The following DOCK1 variants were observed in gnomAD, a reference collection of about 807,000 sequenced individuals.
DOCK1 encodes dedicator of cytokinesis 1.
A neutral mutation model predicts 262.7 loss-of-function variants in DOCK1; 138 were observed. That is an observed-to-expected ratio of 0.53 (90% CI 0.46 to 0.61). The LOEUF (loss-of-function observed/expected upper bound fraction) is 0.61, where lower values mean the gene tolerates loss of function less well. DOCK1 is among the 20% of genes least tolerant of loss of function. The pLI is 0.00. For missense variants in DOCK1, 1,908 were observed against 2,370.7 expected (o/e 0.80, Z 4.05); for synonymous variants, 866 against 867.4 (o/e 1.00, Z 0.03).
In DOCK1 at chr10:126,999,495, C is replaced by T. The variant is rs1483766957; in HGVS notation, c.849+60C>T. On this transcript the variant is annotated intron_variant, in intron 9 of 51. Transcript: ENST00000623213. ...TACCATTCTAAGGACTACTTTTAGC[C>T]ATTTCTGTCTGCCTTCCTGCGACAC... 4 of 1,451,160 alleles carry T rather than the reference C, an allele frequency of 2.8e-6. No homozygotes were observed. The African/African-American group carries it at 5.6e-5, about 20-fold the overall frequency. 89.9% of individuals were successfully genotyped at this position (1,451,160 alleles called of 1,614,324 possible).
intron 27 of DOCK1, among the ~76,000 whole-genome samples, chr10:127,211,687 T>C (rs1290015801): frequency 1.3e-5 from 2 of 152,216 alleles, no homozygotes; most frequent in Non-Finnish European, 1.5e-5. Context: ...GCATTGTTTT[T>C]CTAAACATAC....
At chr10:127,410,973 G>A (rs10830001) in intron 43 of DOCK1, 49 bp downstream of exon 43, 372,094 of 1,568,974 alleles carry the variant, frequency 0.24, 45,794 homozygotes, top group African/African-American at 0.33. Flanking sequence ...ATATCATTCC[G>A]CCACCAGTAG....
At chr10:126,906,660 C>T (rs2030909286) in intron 1 of DOCK1, among the ~76,000 whole-genome samples, 1 of 152,224 alleles carries the variant, frequency 6.6e-6, no homozygotes, top group Admixed American at 6.5e-5. Context: ...CGCGCCCATT[C>T]TGTGCCTGGC....
intron 27 of DOCK1, among the ~76,000 whole-genome samples, chr10:127,209,722 T>A (rs1204864337): frequency 6.6e-6 from 1 of 152,144 alleles, no homozygotes; most frequent in Non-Finnish European, 1.5e-5. Context: ...CCAGCAGATG[T>A]GGAGTAAAAA....
chr10:127,073,505 A>C (rs891775200), intron 23 of DOCK1, among the ~76,000 whole-genome samples: 1 of 152,244 alleles, frequency 6.6e-6, no homozygotes, highest in Non-Finnish European at 1.5e-5. Flanking sequence ...AGTGTTAAGC[A>C]TGAGTGAGTT....
intron 27 of DOCK1, among the ~76,000 whole-genome samples, chr10:127,208,477 C>G (rs1564904510): frequency 6.6e-6 from 1 of 152,068 alleles, no homozygotes; most frequent in African/African-American, 2.4e-5. Context: ...GGTTTCCAAA[C>G]AATTGAGATG....
At position 127,100,727 on chromosome 10, in the gene DOCK1, C is replaced by T. The variant is rs1213229557; in HGVS notation, c.2446-5504C>T. 1.3e-5 allele frequency among the ~76,000 whole-genome samples: 2 copies of T among 151,952 alleles called. No homozygotes were observed. The highest frequency in any genetic ancestry group is 2.9e-5 in the Non-Finnish European group (2 of 67,970). Reference sequence around the variant, plus strand: ...GGCCACCCTGGGAGTGAGGGCCACGCGTGCCCCAGAGGTGAGGTGGCCAAA... The same window carrying T: ...GGCCACCCTGGGAGTGAGGGCCACGTGTGCCCCAGAGGTGAGGTGGCCAAA... On this transcript the variant is annotated intron_variant, in intron 23 of 51. Transcript: ENST00000623213. This position sits in a 1 kb window ranked among gnomAD's most constrained non-coding sequence, Gnocchi z 5.5.
chr10:127,279,583 G>T (rs2060869149), intron 29 of DOCK1, among the ~76,000 whole-genome samples: 2 of 152,128 alleles, frequency 1.3e-5, no homozygotes, highest in African/African-American at 4.8e-5. Context: ...AAATATTTGG[G>T]GTTAAATATA....
At chr10:127,311,728 G>C (rs777998262) in intron 29 of DOCK1, among the ~76,000 whole-genome samples, 9 of 152,036 alleles carry the variant, frequency 5.9e-5, no homozygotes, top group Non-Finnish European at 1.3e-4. Flanking sequence ...GATCGGATTT[G>C]AACTCCCTAC....
intron 27 of DOCK1, among the ~76,000 whole-genome samples, chr10:127,159,727 T>C (rs2053419386): frequency 6.6e-6 from 1 of 152,110 alleles, no homozygotes; most frequent in Admixed American, 6.5e-5. Context: ...GGGTAGACAT[T>C]TGAAAAGAAA....
chr10:127,264,875 C>T (rs1419486296), intron 29 of DOCK1, among the ~76,000 whole-genome samples: 2 of 152,106 alleles, frequency 1.3e-5, no homozygotes, highest in East Asian at 3.9e-4. Context: ...CGCCATATGG[C>T]GCAGGCTGGT....
chr10:126,967,974 C>A (rs1054346624), intron 1 of DOCK1, among the ~76,000 whole-genome samples: 1 of 151,976 alleles, frequency 6.6e-6, no homozygotes, highest in African/African-American at 2.4e-5. Context: ...CCACCACGCC[C>A]GGCTATTTTT....
At chr10:127,202,817 C>A (rs116700565) in intron 27 of DOCK1, among the ~76,000 whole-genome samples, 5 of 152,296 alleles carry the variant, frequency 3.3e-5, no homozygotes, top group African/African-American at 1.2e-4. Context: ...ATGATCTCTC[C>A]AAGGTCACAC....
At chr10:127,161,378 TC>T (rs1184810452) in intron 27 of DOCK1, among the ~76,000 whole-genome samples, 22 of 152,164 alleles carry the variant, frequency 1.4e-4, no homozygotes, top group Admixed American at 3.3e-4. Context: ...GTTTGTCTGT[TC>T]CCTTTTTCCC....
intron 29 of DOCK1, among the ~76,000 whole-genome samples, chr10:127,308,705 A>G (rs2061961382): frequency 1.3e-5 from 2 of 152,052 alleles, no homozygotes; most frequent in Admixed American, 6.6e-5. Context: ...TTGTTCCTGT[A>G]TGAGTTTGCT....
chr10:127,205,099 A>G (rs780463382), intron 27 of DOCK1, among the ~76,000 whole-genome samples: 1 of 152,068 alleles, frequency 6.6e-6, no homozygotes, highest in Non-Finnish European at 1.5e-5. Flanking sequence ...ATTTATTTTA[A>G]AGGTACTGAT....
intron 1 of DOCK1, among the ~76,000 whole-genome samples, chr10:126,923,078 C>T (rs1320915250): frequency 2.0e-5 from 3 of 151,956 alleles, no homozygotes; most frequent in Non-Finnish European, 4.4e-5. Flanking sequence ...CATTGCACTC[C>T]AGTCTGGGCA....
chr10:127,271,274 G>A (rs1432961686), intron 29 of DOCK1, among the ~76,000 whole-genome samples: 2 of 152,114 alleles, frequency 1.3e-5, no homozygotes, highest in Non-Finnish European at 2.9e-5. Context: ...GAAGCTTCAC[G>A]AAATGCCGTT....
At chr10:127,246,598 A>G (rs112668491) in intron 27 of DOCK1, among the ~76,000 whole-genome samples, 11 of 152,336 alleles carry the variant, frequency 7.2e-5, no homozygotes, top group African/African-American at 2.6e-4. Flanking sequence ...CTCAGCAATT[A>G]TCATCATTCA....
Sources: gnomAD v4.1 joint callset for allele counts (sites outside exome capture counted in the v4.1 genomes callset) on GRCh38, gnomAD v4.1.1 for gene constraint, Gnocchi (gnomAD v3.1) non-coding constraint, MANE v1.5 for transcripts, NCBI Gene and HGNC (gene_info 2026-07-23, HGNC 2026-07-21) for gene names.